The following UBAP2 variants were observed in gnomAD, a reference collection of about 807,000 sequenced individuals.
UBAP2 encodes ubiquitin associated protein 2.
In UBAP2, 75 loss-of-function variants were observed where a neutral mutation model predicts 139.6. The ratio of observed to expected loss-of-function variants is 0.54; its 90% CI spans 0.45 to 0.65. The LOEUF is 0.65. UBAP2 is among the 30% of genes least tolerant of loss of function. The pLI is 0.00. For synonymous variants in UBAP2, 526 were observed against 526.2 expected (o/e 1.00, Z 0.01); for missense variants, 1,368 against 1,369.6 (o/e 1.00, Z 0.02).
chr9:33,922,699 C>G lies in UBAP2; in HGVS notation c.3252G>C (p.Pro1084=), dbSNP rs377358049. The G allele has an allele frequency of 3.9e-6, 6 of 1,550,356 alleles. No homozygotes were observed. Among genetic ancestry groups the G allele is most frequent in the Non-Finnish European group, 5.2e-6 (6 of 1,148,706 alleles). The part of the protein sequence containing the change: ...PHSQLLHHHL[P]QDAQSGSGQR... ...TCACTGTACTCACCTGTGCATCCTG[C>G]GGAAGGTGGTGGTGCAGCAGCTGTG... The change falls in exon 28 of 29, where the codon CCG becomes CCC. Residue 1084 remains proline, a synonymous_variant. Coordinates refer to ENST00000379238, the MANE Select transcript of UBAP2 (RefSeq NM_001370062.2).
intron 2 of UBAP2, among the ~76,000 whole-genome samples, chr9:34,000,015 T>C (rs925650577): frequency 6.6e-6 from 1 of 152,062 alleles, no homozygotes; most frequent in South Asian, 2.1e-4. Context: ...TGGCACGATC[T>C]TGGCTCACTG....
chr9:33,952,265 T>C (rs997641552), intron 12 of UBAP2, among the ~76,000 whole-genome samples: 15 of 152,200 alleles, frequency 9.9e-5, no homozygotes, highest in African/African-American at 3.6e-4. Flanking sequence ...TGTAGTTGGG[T>C]AGGAACTTCA....
chr9:34,036,828 A>C (rs1587697663), intron 1 of UBAP2, among the ~76,000 whole-genome samples: 2 of 86,910 alleles, frequency 2.3e-5, no homozygotes, highest in East Asian at 6.6e-4. Flanking sequence ...TTTTTTTTTG[A>C]GACAAGGTCT....
chr9:33,962,450 A>G (rs1827120479), intron 9 of UBAP2, among the ~76,000 whole-genome samples: 1 of 151,996 alleles, frequency 6.6e-6, no homozygotes, highest in African/African-American at 2.4e-5. Flanking sequence ...GTTCAAGACC[A>G]GCCTGGTCAA....
At position 33,929,398 on chromosome 9, in the gene UBAP2, G is replaced by A. The variant is rs569463467; in HGVS notation, c.2176-1406C>T. Among the ~76,000 whole-genome samples the A allele has an allele frequency of 2.0e-4, 30 of 152,224 alleles. No individual in the cohort carries two copies. In the South Asian group the frequency reaches 5.8e-3, roughly 30 times the overall value. The stretch of plus-strand genomic sequence containing the variant: ...TCCAGAACTGGGAGTACATCAACCT[G>A]CTGAATTAAAAAGTCAACACTAATT... On this transcript the variant is annotated intron_variant, in intron 19 of 28. Transcript: ENST00000379238.
intron 1 of UBAP2, among the ~76,000 whole-genome samples, chr9:34,036,304 AT>A (rs1320863936): frequency 4.0e-5 from 6 of 151,812 alleles, no homozygotes; most frequent in African/African-American, 1.5e-4. Flanking sequence ...TTTAATAGAG[AT>A]GGGGTTTCTC....
intron 10 of UBAP2, among the ~76,000 whole-genome samples, chr9:33,958,550 G>T (rs1032613129): frequency 1.3e-5 from 2 of 151,774 alleles, no homozygotes; most frequent in Non-Finnish European, 2.9e-5. Context: ...TGGAATTACA[G>T]GTGCCCACCA....
chr9:34,026,359 C>T (rs539268761), intron 1 of UBAP2, among the ~76,000 whole-genome samples: 8 of 151,370 alleles, frequency 5.3e-5, no homozygotes, highest in South Asian at 2.1e-4. Context: ...GTTTCAGGAA[C>T]AGAAAAACTA....
At chr9:33,949,893 C>T (rs959249594) in intron 12 of UBAP2, among the ~76,000 whole-genome samples, 1 of 152,114 alleles carries the variant, frequency 6.6e-6, no homozygotes, top group African/African-American at 2.4e-5. Flanking sequence ...CAAATACGTT[C>T]CATAAATAAG....
chr9:33,985,014 G>A (rs887096379), intron 6 of UBAP2, among the ~76,000 whole-genome samples: 2 of 152,114 alleles, frequency 1.3e-5, no homozygotes, highest in South Asian at 2.1e-4. Context: ...CACTATTGGT[G>A]GGAATATAAA....
chr9:33,973,518 T>C (rs922443795), intron 6 of UBAP2, among the ~76,000 whole-genome samples: 2 of 152,230 alleles, frequency 1.3e-5, no homozygotes, highest in Non-Finnish European at 2.9e-5. Flanking sequence ...ACAGTCTGCA[T>C]CTTTTAAAAT....
intron 8 of UBAP2, among the ~76,000 whole-genome samples, chr9:33,971,225 A>G (rs1587587809): frequency 6.6e-6 from 1 of 152,212 alleles, no homozygotes; most frequent in African/African-American, 2.4e-5. Flanking sequence ...ATACAGAAAA[A>G]CCTGCAGAGG....
intron 12 of UBAP2, 147 bp from the exon 13 acceptor site, chr9:33,948,734 A>G (rs1564026182): frequency 2.3e-5 from 14 of 604,592 alleles, no homozygotes; most frequent in Non-Finnish European, 2.8e-5. Flanking sequence ...AAAATACTAC[A>G]TGAAAATATT....
At chr9:33,926,894 G>C in intron 21 of UBAP2, 95 bp downstream of exon 21, 1 of 1,297,198 alleles carries the variant, frequency 7.7e-7, no homozygotes, top group South Asian at 1.2e-5. Flanking sequence ...GGCAGCTCAA[G>C]GTGGGCAACC....
Position 33,944,554 on chromosome 9 carries a change from A to C in UBAP2, c.1356T>G (p.Pro452=). The C allele has an allele frequency of 6.2e-6, 10 of 1,614,166 alleles. No individual in the cohort carries two copies. The highest frequency in any genetic ancestry group is 8.5e-6 in the Non-Finnish European group (10 of 1,180,042). The part of the protein sequence containing the change: ...QQHQSQAVTV[P]PPGLESFPSQ... ...AAGGAAAGGACTCCAAACCAGGAGG[A>C]GGAACAGTGACTGCCTGGCTCTGGT... Residue 452 remains proline, a synonymous_variant, in exon 14 of 29, where the codon CCT becomes CCG. Transcript: ENST00000379238.
intron 1 of UBAP2, among the ~76,000 whole-genome samples, chr9:34,040,664 C>A (rs1826990972): frequency 6.6e-6 from 1 of 152,162 alleles, no homozygotes; most frequent in African/African-American, 2.4e-5. Flanking sequence ...TCTAGAACAT[C>A]CCACTACAAT....
chr9:33,989,824 C>A (rs1357731401), intron 4 of UBAP2, among the ~76,000 whole-genome samples: 2 of 152,064 alleles, frequency 1.3e-5, no homozygotes, highest in African/African-American at 4.8e-5. Context: ...TAGAATGATG[C>A]CCCAAAAGCT....
At chr9:33,942,392 A>G (rs1187766966) in intron 15 of UBAP2, among the ~76,000 whole-genome samples, 1 of 151,794 alleles carries the variant, frequency 6.6e-6, no homozygotes, top group Non-Finnish European at 1.5e-5. Flanking sequence ...TTAAACAAAT[A>G]TCAGGTTTTG....
At position 33,960,901 on chromosome 9, in the gene UBAP2, A is replaced by C. The variant is rs748483910; in HGVS notation, c.746-23T>G. ...CCCCTGTTGGGAAACAACAGCAATC[A>C]AAGTTTATACCACAAAGTCAAATAC... is the stretch of plus-strand genomic sequence containing the variant. On this transcript the variant is annotated intron_variant, in intron 9 of 28. Transcript: ENST00000379238. 3.1e-6 allele frequency: 5 copies of C among 1,612,836 alleles called. No homozygotes were observed. In the African/African-American group the frequency reaches 6.7e-5, roughly 22 times the overall value.
Sources: allele counts gnomAD v4.1 joint callset (sites outside exome capture counted in the v4.1 genomes callset), GRCh38; gene constraint gnomAD v4.1.1; transcripts MANE v1.5; gene names NCBI Gene and HGNC (gene_info 2026-07-23, HGNC 2026-07-21).